The following RECQL4 variants were observed in gnomAD, a reference collection of about 807,000 sequenced individuals.
RECQL4 encodes ATP-dependent DNA helicase Q4.
A neutral mutation model predicts 128.6 loss-of-function variants in RECQL4; 158 were observed. That is an observed-to-expected ratio of 1.23 (90% confidence interval 1.08 to 1.40). RECQL4 has a LOEUF of 1.40. RECQL4 is among the 40% of genes most tolerant of loss of function. The pLI is 0.00. For synonymous variants in RECQL4, 996 were observed against 678.9 expected (o/e 1.47, Z -7.26); for missense variants, 2,293 against 1,649.8 (o/e 1.39, Z -6.75).
intron 11 of RECQL4, 40 bp downstream of exon 11, chr8:144,514,149 C>T (rs1331685161): frequency 6.2e-7 from 1 of 1,611,118 alleles, no homozygotes; most frequent in Non-Finnish European, 8.5e-7. Context: ...CCCAGCCCAT[C>T]CCGGCCCTGG....
In RECQL4 at chr8:144,516,228, G is replaced by A. The variant is rs34700133; in HGVS notation, c.891C>T (p.Asp297=). The change falls in exon 5 of 21, where the codon GAC becomes GAT. Residue 297 remains aspartate, a synonymous_variant. Coordinates refer to ENST00000617875, the MANE Select transcript of RECQL4 (RefSeq NM_004260.4). ...EGAGAVAVEE[D]PPGEPVQAQP... is the part of the protein sequence containing the mutation. ...GTGCCTGTACAGGTTCCCCTGGAGG[G>A]TCTTCCTCAACTGCTACAGCCCCAG... is the stretch of plus-strand genomic sequence containing the variant. 4.0e-4 allele frequency: 651 copies of A among 1,613,116 alleles called. 3 individuals carry two copies. The African/African-American group carries it at 7.0e-3, about 17-fold the overall frequency.
At position 144,516,309 on chromosome 8, in the gene RECQL4, C is replaced by G. The variant is rs1333353971; in HGVS notation, c.810G>C (p.Glu270Asp). The G allele has an allele frequency of 3.1e-6, 5 of 1,609,842 alleles. No individual in the cohort carries two copies. Among genetic ancestry groups the G allele is most frequent in the Non-Finnish European group, 4.2e-6 (5 of 1,179,008 alleles). Residue 270 changes from glutamate (E) to aspartate (D), a missense_variant, in exon 5 of 21, where the codon GAG (glutamate) becomes GAC (aspartate). Physicochemically the swap from Glu to Asp is conservative, Grantham distance 45. Transcript: ENST00000617875. The stretch of plus-strand genomic sequence containing the variant: ...TCTCCTGCTGGACCTGTGCGGGGCT[C>G]TCCCAGGGCTCCTCGTTCCATCTCC... ...EKRRWNEEPWESPAQVQQESS... is the reference protein window; with the variant it reads ...EKRRWNEEPWDSPAQVQQESS...
chr8:144,515,274 G>C (rs1403505877), intron 7 of RECQL4, 32 bp from the exon 8 acceptor site: 1 of 1,609,050 alleles, frequency 6.2e-7, no homozygotes, highest in Non-Finnish European at 8.5e-7. Context: ...ACCATGACTT[G>C]AGTCACCCCA....
chr8:144,517,518 C>G lies in RECQL4; in HGVS notation c.119-10G>C. On this transcript the variant is annotated splice_polypyrimidine_tract_variant and intron_variant, in intron 2 of 20. Transcript: ENST00000617875. ...TATTCCCGGTAGAGCGCTGCGTGGG[C>G]GAGCGGGAGGCGGGGTCAGGGTGGG... is the stretch of plus-strand genomic sequence containing the variant. 6.3e-7 allele frequency: 1 copy of G among 1,581,398 alleles called. No individual in the cohort carries two copies. Among genetic ancestry groups the G allele is most frequent in the Non-Finnish European group, 8.5e-7 (1 of 1,170,256 alleles).
At position 144,513,226 on chromosome 8, in the gene RECQL4, G is replaced by A. The variant is rs2130676259; in HGVS notation, c.2455C>T (p.Gln819Ter). The change falls in exon 14 of 21, where the codon CAG (glutamine) becomes TAG (stop). Residue 819 changes from glutamine (Q) to a stop codon, truncating the protein, a stop_gained. Coordinates refer to ENST00000617875, the MANE Select transcript of RECQL4 (RefSeq NM_004260.4). LOFTEE classifies it high-confidence loss of function. ...GGGGGGGGGGTGCCAACCTGGGGCT[G>A]CAGGAAGAGGTGGCAGTGGGCAGGC... is the stretch of plus-strand genomic sequence containing the variant. ...GQPAHCHLFL[Q>*]PQGEDLRELR... 1 of 1,579,306 alleles carries A rather than the reference G, an allele frequency of 6.3e-7. No individual in the cohort carries two copies. Among genetic ancestry groups the A allele is most frequent in the Non-Finnish European group, 8.6e-7 (1 of 1,167,004 alleles).
In RECQL4 at chr8:144,511,380, C is replaced by A. The variant is rs558647166; in HGVS notation, c.*51G>T. On this transcript the variant is annotated 3_prime_UTR_variant, in exon 21 of 21. Coordinates refer to ENST00000617875, the MANE Select transcript of RECQL4 (RefSeq NM_004260.4). ...TTTTGCCCAGGTCCTCAGTCACTGCCCTAGCCTCTGACAACCCCAGCTCTA... is the reference window on the plus strand; with the variant it reads ...TTTTGCCCAGGTCCTCAGTCACTGCACTAGCCTCTGACAACCCCAGCTCTA... 19 of 1,600,782 alleles carry A rather than the reference C, an allele frequency of 1.2e-5. No homozygotes were observed. The East Asian group carries it at 4.0e-4, about 34-fold the overall frequency.
rs370863264 is a variant in RECQL4, at chr8:144,513,378, A to C, written c.2303T>G (p.Val768Gly). 1 of 1,607,018 alleles carries C rather than the reference A, an allele frequency of 6.2e-7. No individual in the cohort carries two copies. The highest frequency in any genetic ancestry group is 1.7e-5 in the Admixed American group (1 of 59,964). ...RAFMQGQLRVVVATVAFGMGL... is the reference protein window; with the variant it reads ...RAFMQGQLRVGVATVAFGMGL... ...CATCCCAAAGGCCACCGTGGCCACC[A>C]CCACCCGCAACTGGCCCTGCATGAA... Residue 768 changes from valine to glycine, a missense_variant, in exon 14 of 21, where the codon GTG (valine) becomes GGG (glycine). Coordinates refer to ENST00000617875, the MANE Select transcript of RECQL4 (RefSeq NM_004260.4).
intron 15 of RECQL4, 36 bp downstream of exon 15, chr8:144,512,811 C>T (rs1827499279): frequency 5.0e-6 from 8 of 1,609,322 alleles, no homozygotes; most frequent in African/African-American, 2.7e-5. Flanking sequence ...GGGGACAGCC[C>T]CTCCACACCC....
At position 144,513,611 on chromosome 8, in the gene RECQL4, G is replaced by C. The variant is rs757069680; in HGVS notation, c.2160C>G (p.Leu720=). The part of the protein sequence containing the change: ...REDTERIAAL[L]RTCLHAAWVP... The stretch of plus-strand genomic sequence containing the variant: ...CCCAGGCTGCGTGCAGGCAGGTTCG[G>C]AGGAGCGCAGCGATCCGCTCTGTGT... The change falls in exon 13 of 21, where the codon CTC becomes CTG. Residue 720 remains leucine (L), a synonymous_variant. Coordinates refer to ENST00000617875, the MANE Select transcript of RECQL4 (RefSeq NM_004260.4). 1.6e-5 allele frequency: 26 copies of C among 1,605,602 alleles called. No homozygotes were observed. The South Asian group carries it at 2.9e-4, about 18-fold the overall frequency.
rs1564790791 is a variant in RECQL4, at chr8:144,512,483, G to C, written c.2964C>G (p.Asp988Glu). The C allele has an allele frequency of 1.9e-6, 3 of 1,612,444 alleles. No individual in the cohort carries two copies. Among genetic ancestry groups the C allele is most frequent in the Non-Finnish European group, 2.5e-6 (3 of 1,179,784 alleles). The change falls in exon 17 of 21, where the codon GAC (aspartate) becomes GAG (glutamate). Residue 988 changes from aspartate (D) to glutamate (E), a missense_variant. By Grantham distance (45) the Asp-to-Glu change is conservative (BLOSUM62 2). Coordinates refer to ENST00000617875, the MANE Select transcript of RECQL4 (RefSeq NM_004260.4). ...CCATGGAGTCCACCAGCTTGACCAT[G>C]TCAAACTCCACGGAGCTGCTGCCTT... ...PGQGSSSVEF[D>E]MVKLVDSMGW...
At position 144,515,793 on chromosome 8, in the gene RECQL4, T is replaced by C. The variant is rs1554901692; in HGVS notation, c.1229A>G (p.Asp410Gly). 1 of 1,612,608 alleles carries C rather than the reference T, an allele frequency of 6.2e-7. No individual in the cohort carries two copies. Among genetic ancestry groups the C allele is most frequent in the Non-Finnish European group, 8.5e-7 (1 of 1,179,714 alleles). The change falls in exon 6 of 21, where the codon GAT (aspartate) becomes GGT (glycine). Residue 410 changes from aspartate to glycine, a missense_variant. Transcript: ENST00000617875. The part of the protein sequence containing the change: ...KESCFLNEQF[D>G]HWAAQCPRPA... ...CCGGGGACACTGGGCTGCCCAGTGA[T>C]CGAACTGCTCGTTCAGGAAACAAGA... is the stretch of plus-strand genomic sequence containing the variant.
chr8:144,517,353 G>C, intron 3 of RECQL4, 61 bp downstream of exon 3: 3 of 1,496,570 alleles, frequency 2.0e-6, no homozygotes, highest in Non-Finnish European at 2.7e-6. Flanking sequence ...CGACTCCGTG[G>C]CTCCCGCCAC....
chr8:144,514,379 C>G lies in RECQL4; in HGVS notation c.1705-17G>C. On this transcript the variant is annotated splice_polypyrimidine_tract_variant and intron_variant, in intron 10 of 20. Coordinates refer to ENST00000617875, the MANE Select transcript of RECQL4 (RefSeq NM_004260.4). Reference sequence around the variant, plus strand: ...TGCCCGAATCTGAAGGCAGCAAGATCAGAGGCACAGCCCAGGTGCCCGCCC... The same window carrying G: ...TGCCCGAATCTGAAGGCAGCAAGATGAGAGGCACAGCCCAGGTGCCCGCCC... 6.3e-7 allele frequency: 1 copy of G among 1,599,466 alleles called. No homozygotes were observed. Among genetic ancestry groups the G allele is most frequent in the Non-Finnish European group, 8.5e-7 (1 of 1,170,620 alleles).
intron 20 of RECQL4, 46 bp from the exon 21 acceptor site, chr8:144,511,601 C>T (rs2130649929): frequency 1.9e-6 from 3 of 1,607,656 alleles, no homozygotes; most frequent in Non-Finnish European, 2.6e-6. Context: ...CCCCAGCCTG[C>T]AGCGGGTGGA....
chr8:144,515,358 A>T lies in RECQL4; in HGVS notation c.1358T>A (p.Leu453His), dbSNP rs766718254. ...VPSLDPTVLP[L>H]YSLGPSGQLA... ...CTGCCCTGAGGGCCCCAGGGAGTAG[A>T]GTGGCAGCACGGTGGGGTCCAGGCT... The change falls in exon 7 of 21, where the codon CTC (leucine) becomes CAC (histidine). Residue 453 changes from leucine to histidine, a missense_variant. Physicochemically the swap from Leu to His is moderately conservative, Grantham distance 99. Transcript: ENST00000617875. 1 of 1,612,766 alleles carries T rather than the reference A, an allele frequency of 6.2e-7. No homozygotes were observed. Among genetic ancestry groups the T allele is most frequent in the Non-Finnish European group, 8.5e-7 (1 of 1,179,840 alleles).
Position 144,517,200 on chromosome 8 carries a change from A to G in RECQL4, c.214-10T>C. ...AGCGGGGCTCTGGCGCCTGCAGGAG[A>G]CAACAGGGGCACAGGCCAGAAAAGG... On this transcript the variant is annotated splice_polypyrimidine_tract_variant and intron_variant, in intron 3 of 20. Transcript: ENST00000617875. The G allele has an allele frequency of 6.3e-7, 1 of 1,592,662 alleles. No individual in the cohort carries two copies. Among genetic ancestry groups the G allele is most frequent in the Non-Finnish European group, 8.5e-7 (1 of 1,172,460 alleles).
Position 144,514,016 on chromosome 8 carries a change from G to A in RECQL4, c.1970C>T (p.Ala657Val), listed in dbSNP as rs1279119304. The A allele has an allele frequency of 2.5e-6, 4 of 1,571,076 alleles. No individual in the cohort carries two copies. Among genetic ancestry groups the A allele is most frequent in the Admixed American group, 1.9e-5 (1 of 53,830 alleles). ...GTGGAGGTCAGGCTCTTCAGCCACA[G>A]CCAGGTGCTGTGCCACGTCACTGGC... The part of the protein sequence containing the change: ...RTASDVAQHL[A>V]VAEEPDLHGP... The change falls in exon 12 of 21, where the codon GCT becomes GTT. Residue 657 changes from alanine (A) to valine (V), a missense_variant. Transcript: ENST00000617875.
chr8:144,512,045 G>T lies in RECQL4; in HGVS notation c.3259C>A (p.Pro1087Thr). ...TCCTCATCCTGCTGCTCCAGGCAGGGCCCGCAGCTGGGGAAGGCTACGCTG... is the reference window on the plus strand; with the variant it reads ...TCCTCATCCTGCTGCTCCAGGCAGGTCCCGCAGCTGGGGAAGGCTACGCTG... ...FHSVAFPSCGPCLEQQDEERS... is the reference protein window; with the variant it reads ...FHSVAFPSCGTCLEQQDEERS... The change falls in exon 19 of 21, where the codon CCC (proline) becomes ACC (threonine). Residue 1087 changes from proline (P) to threonine (T), a missense_variant. By Grantham distance (38) the Pro-to-Thr change is conservative. Coordinates refer to ENST00000617875, the MANE Select transcript of RECQL4 (RefSeq NM_004260.4). The T allele has an allele frequency of 6.2e-7, 1 of 1,608,274 alleles. No homozygotes were observed. Among genetic ancestry groups the T allele is most frequent in the Non-Finnish European group, 8.5e-7 (1 of 1,178,644 alleles).
Position 144,516,754 on chromosome 8 carries a change from G to A in RECQL4, c.365C>T (p.Ala122Val), listed in dbSNP as rs761683428. Residue 122 changes from alanine to valine, a missense_variant, in exon 5 of 21, where the codon GCC becomes GTC. Coordinates refer to ENST00000617875, the MANE Select transcript of RECQL4 (RefSeq NM_004260.4). ...NLKGTLQAGP[A>V]LGRRPWPLGR... ...TAGAGGCCACGGTCTGCGGCCCAGG[G>A]CTGGTCCGGCCTGGGAGGGGAACAA... 1.3e-6 allele frequency: 2 copies of A among 1,523,012 alleles called. No homozygotes were observed. The highest frequency in any genetic ancestry group is 8.8e-7 in the Non-Finnish European group (1 of 1,139,450). The allele number at this position is 1,523,012 out of a possible 1,614,324, so 94.3% of individuals were successfully genotyped here.
Sources: allele counts gnomAD v4.1 joint callset, GRCh38; gene constraint gnomAD v4.1.1; transcripts MANE v1.5; gene names NCBI Gene and HGNC (gene_info 2026-07-23, HGNC 2026-07-21).